GXYLT2: variants seen among roughly 807,000 people sequenced by gnomAD.
GXYLT2 encodes the protein glucoside xylosyltransferase 2.
A neutral mutation model predicts 45.8 loss-of-function variants in GXYLT2; 53 were observed. The ratio of observed to expected loss-of-function variants is 1.16; its 90% CI spans 0.93 to 1.46. The LOEUF (loss-of-function observed/expected upper bound fraction) is 1.46. Ranked by LOEUF, GXYLT2 falls within the 40% of genes most tolerant of loss-of-function variation. GXYLT2 has a pLI of 0.00. For missense variants in GXYLT2, 551 were observed against 544.4 expected, an observed-to-expected ratio of 1.01 and a Z score of -0.12; for synonymous variants, 219 against 214.2, an observed-to-expected ratio of 1.02 and a Z score of -0.19.
At chr3:72,952,876 G>C (rs1575809992) in intron 3 of GXYLT2, among the ~76,000 whole-genome samples, 1 of 152,014 alleles carries the variant, frequency 6.6e-6, no homozygotes, top group Admixed American at 6.6e-5. Flanking sequence ...TGAATGTTGG[G>C]GACACAGACA....
In GXYLT2 at chr3:72,975,199, C is replaced by A. The variant is rs1052278; in HGVS notation, c.*40C>A. ...TGCAAGTCAATTAGGTGTCTTGTGACCAAGGAAATACTAATCTCTAAGCTG... is the reference window on the plus strand; with the variant it reads ...TGCAAGTCAATTAGGTGTCTTGTGAACAAGGAAATACTAATCTCTAAGCTG... On this transcript the variant is annotated 3_prime_UTR_variant, in exon 7 of 7. Coordinates refer to ENST00000389617, the MANE Select transcript of GXYLT2 (RefSeq NM_001080393.2). 904,622 of 1,498,014 alleles carry A rather than the reference C, an allele frequency of 0.6. 274,713 individuals carry two copies. Among genetic ancestry groups the A allele is most frequent in the Admixed American group, 0.7 (39,414 of 55,920 alleles). The allele number at this position is 1,498,014 out of a possible 1,614,324, so 92.8% of individuals were successfully genotyped here.
intron 4 of GXYLT2, 100 bp from the exon 5 acceptor site, chr3:72,957,129 C>T (rs1240006240): frequency 3.2e-6 from 4 of 1,246,256 alleles, no homozygotes; most frequent in Admixed American, 2.9e-5. Flanking sequence ...ATTTGTTTCC[C>T]TCCTCTGAAG....
intron 1 of GXYLT2, among the ~76,000 whole-genome samples, chr3:72,898,688 C>T (rs912255737): frequency 4.6e-5 from 7 of 152,134 alleles, no homozygotes; most frequent in African/African-American, 1.4e-4. Flanking sequence ...ATGCCAGGAG[C>T]CTTGCGTAGG....
rs951733886 is a variant in GXYLT2 at position 72,928,937 on chromosome 3, A to G, written c.600+6602A>G. ...CGTCCCCCATCCCGGCCGGCCGCCC[A>G]TAGCCAGTCCTCCGTCACCACTTCA... On this transcript the variant is annotated intron_variant, in intron 3 of 6. Transcript: ENST00000389617. 5 of 741,694 alleles carry G rather than the reference A, an allele frequency of 6.7e-6. No individual in the cohort carries two copies. The African/African-American group carries it at 6.9e-5, about 10-fold the overall frequency. 45.9% of individuals were successfully genotyped at this position (741,694 alleles called of 1,614,324 possible). A position where few individuals can be genotyped will look rare whatever the true frequency, so the allele number is the denominator to read the frequency against.
At chr3:72,946,526 A>G (rs1407339072) in intron 3 of GXYLT2, among the ~76,000 whole-genome samples, 1 of 152,164 alleles carries the variant, frequency 6.6e-6, no homozygotes, top group African/African-American at 2.4e-5. Context: ...AAAGGCACCA[A>G]AAGATTGATT....
chr3:72,906,991 G>A (rs910381010), intron 1 of GXYLT2, among the ~76,000 whole-genome samples: 1 of 152,186 alleles, frequency 6.6e-6, no homozygotes, highest in African/African-American at 2.4e-5. Context: ...GCACCAACCA[G>A]GAGAAAGCAT....
At chr3:72,913,894 C>CA (rs964879384) in intron 2 of GXYLT2, among the ~76,000 whole-genome samples, 1 of 151,970 alleles carries the variant, frequency 6.6e-6, no homozygotes, top group African/African-American at 2.4e-5. Context: ...GTGGTGAGGC[C>CA]AAATCAGATA....
chr3:72,967,864 ACT>A, intron 6 of GXYLT2, 145 bp downstream of exon 6: 1 of 646,710 alleles, frequency 1.5e-6, no homozygotes, highest in East Asian at 2.8e-5. Flanking sequence ...ACGCTCTGTC[ACT>A]ATATCCTCTT....
intron 3 of GXYLT2, among the ~76,000 whole-genome samples, chr3:72,922,592 C>T (rs937776926): frequency 6.6e-6 from 1 of 152,194 alleles, no homozygotes. Flanking sequence ...CCATTATTTA[C>T]TGGCTCCTGT....
intron 2 of GXYLT2, among the ~76,000 whole-genome samples, chr3:72,911,843 C>T (rs1442805372): frequency 6.6e-6 from 1 of 151,644 alleles, no homozygotes; most frequent in Non-Finnish European, 1.5e-5. Context: ...TCATAGCTTA[C>T]TGCATCCTTG....
chr3:72,895,034 G>A (rs1026053342), intron 1 of GXYLT2, among the ~76,000 whole-genome samples: 1 of 152,180 alleles, frequency 6.6e-6, no homozygotes, highest in African/African-American at 2.4e-5. Context: ...CCCCATTGAG[G>A]TTAATAGGGG....
chr3:72,889,896 G>GTTTTTTTTTTGT, intron 1 of GXYLT2, among the ~76,000 whole-genome samples: 1 of 135,536 alleles, frequency 7.4e-6, no homozygotes, highest in Non-Finnish European at 1.6e-5. Context: ...TTTTCTTTTG[G>GTTTTTTTTTTGT]TTTTTTTTTT....
intron 5 of GXYLT2, among the ~76,000 whole-genome samples, chr3:72,964,627 A>G (rs1710830464): frequency 6.6e-6 from 1 of 152,168 alleles, no homozygotes; most frequent in Non-Finnish European, 1.5e-5. Context: ...AGCCGAGAAA[A>G]GGTTTCTTTT....
chr3:72,955,180 T>C lies in GXYLT2; in HGVS notation c.683T>C (p.Leu228Pro). 1.2e-6 allele frequency: 2 copies of C among 1,614,054 alleles called. No individual in the cohort carries two copies. Among genetic ancestry groups the C allele is most frequent in the Non-Finnish European group, 8.5e-7 (1 of 1,179,890 alleles). The change falls in exon 4 of 7, where the codon CTT becomes CCT. Residue 228 changes from leucine (L) to proline (P), a missense_variant. Physicochemically the swap from Leu to Pro is moderately conservative, Grantham distance 98. Coordinates refer to ENST00000389617, the MANE Select transcript of GXYLT2 (RefSeq NM_001080393.2). The stretch of plus-strand genomic sequence containing the variant: ...AGACCTGTTGATGACATCTGGAAGC[T>C]TCTGAGGCTGTTTAATTCCACCCAG... ...FLRPVDDIWK[L>P]LRLFNSTQLA...
At position 72,974,993 on chromosome 3, in the gene GXYLT2, A is replaced by G. The variant is rs1356557404; in HGVS notation, c.1166A>G (p.Asn389Ser). 2 of 1,557,014 alleles carry G rather than the reference A, an allele frequency of 1.3e-6. No individual in the cohort carries two copies. Among genetic ancestry groups the G allele is most frequent in the Admixed American group, 2.0e-5 (1 of 50,582 alleles). ...EAIRDFPFQD[N>S]LFQSMYYPLQ... Reference sequence around the variant, plus strand: ...ATCTTTCAGTTTCCCTTTCAAGACAATCTCTTTCAATCCATGTATTACCCC... The same window carrying G: ...ATCTTTCAGTTTCCCTTTCAAGACAGTCTCTTTCAATCCATGTATTACCCC... Residue 389 changes from asparagine to serine, a missense_variant, in exon 7 of 7, where the codon AAT becomes AGT. Transcript: ENST00000389617.
chr3:72,912,956 G>A (rs1294147413), intron 2 of GXYLT2, among the ~76,000 whole-genome samples: 1 of 151,932 alleles, frequency 6.6e-6, no homozygotes, highest in Non-Finnish European at 1.5e-5. Context: ...ATTGCAGATA[G>A]TTGTGAAGTT....
chr3:72,893,110 A>G (rs1035496301), intron 1 of GXYLT2, among the ~76,000 whole-genome samples: 2 of 152,186 alleles, frequency 1.3e-5, no homozygotes, highest in African/African-American at 4.8e-5. Context: ...GGTAGACCAG[A>G]TGGGGTCCAC....
At position 72,934,060 on chromosome 3, in the gene GXYLT2, T is replaced by C. The variant is rs193148376; in HGVS notation, c.600+11725T>C. Reference sequence around the variant, plus strand: ...TTTCCTAAAACTATACAAAAATTGATAGTTAATTTTAATTTTATTCTTTTT... The same window carrying C: ...TTTCCTAAAACTATACAAAAATTGACAGTTAATTTTAATTTTATTCTTTTT... On this transcript the variant is annotated intron_variant, in intron 3 of 6. Coordinates refer to ENST00000389617, the MANE Select transcript of GXYLT2 (RefSeq NM_001080393.2). 8.0e-5 allele frequency among the ~76,000 whole-genome samples: 12 copies of C among 150,632 alleles called. No individual in the cohort carries two copies. The South Asian group carries it at 2.3e-3, about 29-fold the overall frequency.
intron 3 of GXYLT2, chr3:72,927,385 T>C (rs1436698022): frequency 2.0e-5 from 3 of 152,218 alleles, no homozygotes; most frequent in Non-Finnish European, 4.4e-5. Context: ...AAAGCAACAA[T>C]GTATAATCTT....
Sources: allele counts gnomAD v4.1 joint callset (sites outside exome capture counted in the v4.1 genomes callset), GRCh38; gene constraint gnomAD v4.1.1; transcripts MANE v1.5; gene names NCBI Gene and HGNC (gene_info 2026-07-23, HGNC 2026-07-21).